The following SUPT6H variants were observed in gnomAD, a reference collection of about 807,000 sequenced individuals.
SUPT6H encodes transcription elongation factor SPT6.
Under a neutral mutation model 222.3 loss-of-function variants are expected in SUPT6H, and 11 were observed. The observed-to-expected ratio is 0.05, with a 90% CI of 0.03 to 0.08. The LOEUF (loss-of-function observed/expected upper bound fraction) is 0.08. SUPT6H is among the 10% of genes least tolerant of loss of function. SUPT6H has a pLI of 1.00. For synonymous variants in SUPT6H, 762 were observed against 801.2 expected, an observed-to-expected ratio of 0.95 and a Z score of 0.83; for missense variants, 1,422 against 2,216.0, an observed-to-expected ratio of 0.64 and a Z score of 7.19.
At chr17:28,697,804 G>A (rs1251060692) in intron 31 of SUPT6H, 71 bp downstream of exon 31, 1 of 1,607,056 alleles carries the variant, frequency 6.2e-7, no homozygotes, top group African/African-American at 1.3e-5. Flanking sequence ...CTTCAGTATA[G>A]GGGACACTCA....
chr17:28,689,218 C>T, intron 24 of SUPT6H, 136 bp from the exon 25 acceptor site: 1 of 731,068 alleles, frequency 1.4e-6, no homozygotes, highest in East Asian at 2.6e-5. Context: ...CTACCTCATT[C>T]TTGTTAATGG....
At position 28,691,015 on chromosome 17, in the gene SUPT6H, G is replaced by A; in HGVS notation, c.3585G>A (p.Leu1195=). Reference sequence around the variant, plus strand: ...CGATCCGCAATGATGAGACAGGGCTGTGGCAGTGCCCCTTCTGTCAGCAGG... The same window carrying A: ...CGATCCGCAATGATGAGACAGGGCTATGGCAGTGCCCCTTCTGTCAGCAGG... ...DQAIRNDETG[L]WQCPFCQQDN... is the part of the protein sequence containing the mutation. Residue 1195 remains leucine, a synonymous_variant, in exon 27 of 37, where the codon CTG becomes CTA. Transcript: ENST00000314616. 1 of 1,614,166 alleles carries A rather than the reference G, an allele frequency of 6.2e-7. No homozygotes were observed. The highest frequency in any genetic ancestry group is 8.5e-7 in the Non-Finnish European group (1 of 1,180,036).
intron 23 of SUPT6H, 112 bp from the exon 24 acceptor site, chr17:28,687,979 C>A: frequency 9.2e-6 from 10 of 1,086,940 alleles, no homozygotes; most frequent in Non-Finnish European, 1.2e-5. Context: ...TAGTGCTCAA[C>A]TAGATACTGG....
rs201630011 is a variant in SUPT6H, at chr17:28,682,715, T to C, written c.1598-12T>C. On this transcript the variant is annotated splice_polypyrimidine_tract_variant and intron_variant, in intron 13 of 36. Coordinates refer to ENST00000314616, the MANE Select transcript of SUPT6H (RefSeq NM_003170.5). ...TCTGCTGCCTTACCCTTCACTCTTC[T>C]GTTTGCTTTAGATGGCCTGGCCAAA... is the stretch of plus-strand genomic sequence containing the variant. 105 of 1,613,904 alleles carry C rather than the reference T, an allele frequency of 6.5e-5. No individual in the cohort carries two copies. In the Middle Eastern group the frequency reaches 1.6e-3, roughly 25 times the overall value.
intron 27 of SUPT6H, among the ~76,000 whole-genome samples, 158 bp from the exon 28 acceptor site, chr17:28,693,538 C>T (rs1371088890): frequency 6.6e-6 from 1 of 152,192 alleles, no homozygotes; most frequent in Non-Finnish European, 1.5e-5. Flanking sequence ...TGTAGATGGT[C>T]AAATTCTGTC....
intron 1 of SUPT6H, among the ~76,000 whole-genome samples, chr17:28,667,463 GTATATGTGTA>G (rs1164985022): frequency 8.3e-6 from 1 of 120,416 alleles, no homozygotes; most frequent in Non-Finnish European, 1.7e-5. Flanking sequence ...ACATATGTAT[GTATATGTGTA>G]TATATGTGTG....
At chr17:28,674,198 C>A in intron 2 of SUPT6H, 85 bp from the exon 3 acceptor site, 1 of 1,542,370 alleles carries the variant, frequency 6.5e-7, no homozygotes, top group Non-Finnish European at 8.8e-7. Context: ...AGGTGCAGAG[C>A]AAATGGATAA....
chr17:28,678,878 G>A lies in SUPT6H; in HGVS notation c.1264G>A (p.Ala422Thr), dbSNP rs750498259. ...NLTRLFEKMQ[A>T]YQYEQISADP... ...AACACGGCTGTTTGAGAAGATGCAG[G>A]CTTATCAGTATGAACAGATCTCTGC... The change falls in exon 11 of 37, where the codon GCT becomes ACT. Residue 422 changes from alanine to threonine, a missense_variant. By Grantham distance (58) the Ala-to-Thr change is moderately conservative. Coordinates refer to ENST00000314616, the MANE Select transcript of SUPT6H (RefSeq NM_003170.5). 6.2e-7 allele frequency: 1 copy of A among 1,614,178 alleles called. No individual in the cohort carries two copies. Among genetic ancestry groups the A allele is most frequent in the East Asian group, 2.2e-5 (1 of 44,888 alleles).
chr17:28,678,835 G>A lies in SUPT6H; in HGVS notation c.1221G>A (p.Arg407=), dbSNP rs752732385. 8 of 1,614,182 alleles carry A rather than the reference G, an allele frequency of 5.0e-6. No individual in the cohort carries two copies. In the South Asian group the frequency reaches 7.7e-5, roughly 16 times the overall value. The change falls in exon 11 of 37, where the codon CGG becomes CGA. Residue 407 remains arginine, a synonymous_variant. Coordinates refer to ENST00000314616, the MANE Select transcript of SUPT6H (RefSeq NM_003170.5). ...WQWDEKWTQL[R]IRKENLTRLF... is the part of the protein sequence containing the mutation. ...CTTCACCTTAGTGGACCCAGCTGCG[G>A]ATCCGTAAAGAGAACCTAACACGGC...
intron 1 of SUPT6H, among the ~76,000 whole-genome samples, chr17:28,663,941 C>T (rs2072118805): frequency 1.3e-5 from 2 of 149,828 alleles, no homozygotes; most frequent in South Asian, 4.2e-4. Flanking sequence ...AGCAGTCCTC[C>T]TGAGGCAGCT....
rs778600979 is a variant in SUPT6H, at chr17:28,697,874, A to G, written c.4324-32A>G. 3.1e-6 allele frequency: 5 copies of G among 1,612,056 alleles called. No individual in the cohort carries two copies. The Admixed American group carries it at 6.7e-5, about 22-fold the overall frequency. On this transcript the variant is annotated intron_variant, in intron 31 of 36. Transcript: ENST00000314616. Reference sequence around the variant, plus strand: ...GACGTTGTGTACCAAGCATGCTGCTATCCCAACCTCTCCCCCTCATTCTAC... The same window carrying G: ...GACGTTGTGTACCAAGCATGCTGCTGTCCCAACCTCTCCCCCTCATTCTAC...
intron 1 of SUPT6H, among the ~76,000 whole-genome samples, chr17:28,671,614 T>TA (rs2030422996): frequency 6.6e-6 from 1 of 152,222 alleles, no homozygotes; most frequent in African/African-American, 2.4e-5. Context: ...AGCTCCATGT[T>TA]ACGGTTCTTG....
intron 1 of SUPT6H, 112 bp from the exon 2 acceptor site, chr17:28,673,259 T>A: frequency 1.6e-6 from 1 of 614,028 alleles, no homozygotes; most frequent in Non-Finnish European, 2.9e-6. Flanking sequence ...GTGGGAATGT[T>A]GAGTGGGCAG....
chr17:28,701,709 A>G lies in SUPT6H; in HGVS notation c.*84A>G, dbSNP rs1356705853. On this transcript the variant is annotated 3_prime_UTR_variant, in exon 37 of 37. Transcript: ENST00000314616. ...TGCCTCCCTCCCTGCCCCTCCTTTTATGTCCATAAAGTGGCGTGAAGTGAG... is the reference window on the plus strand; with the variant it reads ...TGCCTCCCTCCCTGCCCCTCCTTTTGTGTCCATAAAGTGGCGTGAAGTGAG... 2.1e-6 allele frequency: 3 copies of G among 1,419,578 alleles called. No individual in the cohort carries two copies. The highest frequency in any genetic ancestry group is 2.9e-6 in the Non-Finnish European group (3 of 1,046,782). 87.9% of individuals were successfully genotyped at this position (1,419,578 alleles called of 1,614,324 possible). A position where few individuals can be genotyped will look rare whatever the true frequency, so the allele number is the denominator to read the frequency against.
chr17:28,669,803 G>A (rs1464023254), intron 1 of SUPT6H, among the ~76,000 whole-genome samples: 1 of 152,198 alleles, frequency 6.6e-6, no homozygotes, highest in Non-Finnish European at 1.5e-5. Context: ...AGACGTGGTG[G>A]CGAGCGCCTG....
intron 4 of SUPT6H, 26 bp from the exon 5 acceptor site, chr17:28,674,944 G>A (rs1243841122): frequency 1.1e-5 from 18 of 1,609,924 alleles, no homozygotes; most frequent in Non-Finnish European, 1.4e-5. Flanking sequence ...CTCAGATCCT[G>A]ATAAGGCAGG....
At chr17:28,679,504 A>G (rs1410992419) in intron 11 of SUPT6H, among the ~76,000 whole-genome samples, 1 of 152,132 alleles carries the variant, frequency 6.6e-6, no homozygotes, top group Admixed American at 6.5e-5. Flanking sequence ...AGCTATGATT[A>G]TGCCACTATA....
chr17:28,700,020 G>C (rs1024266730), intron 33 of SUPT6H, 127 bp downstream of exon 33: 4 of 1,389,752 alleles, frequency 2.9e-6, no homozygotes, highest in Non-Finnish European at 3.0e-6. Flanking sequence ...TACTCCTCCT[G>C]CAGCCTCCCA....
At chr17:28,667,818 G>T (rs981291614) in intron 1 of SUPT6H, among the ~76,000 whole-genome samples, 13 of 151,146 alleles carry the variant, frequency 8.6e-5, no homozygotes, top group African/African-American at 2.7e-4. Flanking sequence ...GATAGATTGT[G>T]AACTCCACCA....
Sources: allele counts gnomAD v4.1 joint callset (sites outside exome capture counted in the v4.1 genomes callset), GRCh38; gene constraint gnomAD v4.1.1; transcripts MANE v1.5; gene names NCBI Gene and HGNC (gene_info 2026-07-23, HGNC 2026-07-21).